The following SMG5 variants were observed in gnomAD, a reference collection of about 807,000 sequenced individuals.
SMG5 encodes SMG5 nonsense mediated mRNA decay factor.
SMG5 carries 53 observed loss-of-function variants against 122.9 expected under a neutral mutation model. The observed-to-expected ratio is 0.43, with a 90% CI of 0.35 to 0.54. SMG5 has a LOEUF of 0.54. Ranked by LOEUF, SMG5 falls within the 20% of genes least tolerant of loss-of-function variation. SMG5 has a pLI of 0.01. For missense variants in SMG5, 1,153 were observed against 1,285.6 expected (o/e 0.90, Z 1.58); for synonymous variants, 477 against 490.2 (o/e 0.97, Z 0.35).
intron 12 of SMG5, among the ~76,000 whole-genome samples, chr1:156,265,125 A>G (rs1442890222): frequency 6.6e-6 from 1 of 150,506 alleles, no homozygotes; most frequent in African/African-American, 2.5e-5. Context: ...CAGAAGGCTG[A>G]GGTAAGAGAA....
intron 16 of SMG5, among the ~76,000 whole-genome samples, chr1:156,255,703 T>C (rs1252832965): frequency 2.0e-5 from 3 of 151,944 alleles, no homozygotes; most frequent in Middle Eastern, 3.2e-3. Flanking sequence ...CTCAGCAACA[T>C]AGCAAGATCA....
At chr1:156,265,684 G>A (rs992002879) in intron 12 of SMG5, 97 bp downstream of exon 12, 16 of 1,520,838 alleles carry the variant, frequency 1.1e-5, no homozygotes, top group South Asian at 9.1e-5. Flanking sequence ...GGGTAGAGAC[G>A]AGAGGTCATT....
At chr1:156,273,538 G>GAC in intron 5 of SMG5, 88 bp from the exon 6 acceptor site, 2 of 1,261,636 alleles carry the variant, frequency 1.6e-6, no homozygotes, top group Non-Finnish European at 2.3e-6. Flanking sequence ...TCTGAGAGTG[G>GAC]TAACAAGAGC....
At chr1:156,278,299 T>C (rs1662776996) in intron 2 of SMG5, among the ~76,000 whole-genome samples, 1 of 152,078 alleles carries the variant, frequency 6.6e-6, no homozygotes, top group African/African-American at 2.4e-5. Context: ...CTTCGCTCTC[T>C]TTTTCTCTGC....
In SMG5 at chr1:156,266,375, G is replaced by A; in HGVS notation, c.1261C>T (p.Pro421Ser). ...PAFQSDGTDE[P>S]ESKEPVEKEE... ...TTCTCCACAGGTTCCTTGGACTCTG[G>A]TTCATCTGCGGAAAGAGGAAGGTCA... The change falls in exon 12 of 22, where the codon CCA (proline) becomes TCA (serine). Residue 421 changes from proline to serine, a missense_variant. By Grantham distance (74) the Pro-to-Ser change is moderately conservative (BLOSUM62 -1). Around this residue, in one of 5 missense-constraint regions of SMG5, gnomAD observed 631 missense variants for 650.6 expected, o/e 0.97. Coordinates refer to ENST00000361813, the MANE Select transcript of SMG5 (RefSeq NM_015327.3). 6.2e-7 allele frequency: 1 copy of A among 1,610,480 alleles called. No homozygotes were observed. Among genetic ancestry groups the A allele is most frequent in the East Asian group, 2.2e-5 (1 of 44,802 alleles).
chr1:156,286,432 C>T, upstream of SMG5: 1 of 1,614,234 alleles, frequency 6.2e-7, no homozygotes, highest in Non-Finnish European at 8.5e-7. Flanking sequence ...AGGATACCCT[C>T]AAACTGCTCC....
intron 9 of SMG5, 32 bp from the exon 10 acceptor site, chr1:156,267,710 A>C: frequency 1.1e-5 from 17 of 1,481,580 alleles, no homozygotes; most frequent in Non-Finnish European, 1.6e-5. Context: ...AGGGGAGGTC[A>C]GTGGTGGGGG....
intron 12 of SMG5, among the ~76,000 whole-genome samples, chr1:156,264,017 C>CCA (rs1661990935): frequency 6.6e-6 from 1 of 152,070 alleles, no homozygotes. Flanking sequence ...CGCCTGTAAT[C>CCA]CCTGCACTTT....
In SMG5 at chr1:156,263,381, G is replaced by A; in HGVS notation, c.2031+14C>T. ...CCTGGGACCTGACAGGGGCAATGGA[G>A]TGGACTGACACACCTGCGCACACAC... On this transcript the variant is annotated intron_variant, in intron 13 of 21. Transcript: ENST00000361813. The A allele has an allele frequency of 6.2e-7, 1 of 1,604,556 alleles. No individual in the cohort carries two copies. Among genetic ancestry groups the A allele is most frequent in the Non-Finnish European group, 8.5e-7 (1 of 1,172,992 alleles).
chr1:156,288,115 T>C, the SMG5 span, among the ~76,000 whole-genome samples: 1 of 148,126 alleles, frequency 6.8e-6, no homozygotes, highest in African/African-American at 2.5e-5. Context: ...CTCGGGAGGC[T>C]GAGGCAGGAG....
chr1:156,258,798 A>C (rs1329845793), intron 16 of SMG5, among the ~76,000 whole-genome samples: 2 of 151,342 alleles, frequency 1.3e-5, no homozygotes, highest in African/African-American at 4.8e-5. Context: ...CATCTCATAA[A>C]AAAAAAAAAA....
intron 13 of SMG5, among the ~76,000 whole-genome samples, chr1:156,263,181 C>G (rs1030646427): frequency 6.6e-6 from 1 of 152,220 alleles, no homozygotes; most frequent in Non-Finnish European, 1.5e-5. Flanking sequence ...ATAAGCAGCT[C>G]GCTAATTGTT....
At chr1:156,286,361 T>C (rs1378327064), upstream of SMG5, 4 of 1,614,192 alleles carry the variant, frequency 2.5e-6, no homozygotes, top group South Asian at 4.4e-5. Flanking sequence ...TGTGGCCCAG[T>C]CGGTCCAGCT....
chr1:156,285,354 G>C, upstream of SMG5: 1 of 1,575,384 alleles, frequency 6.3e-7, no homozygotes, highest in Non-Finnish European at 8.6e-7. Flanking sequence ...GAATCCCCGG[G>C]AGCTGAGTCC....
At chr1:156,256,656 ACATTACCAACCCAG>A (rs1252028706) in intron 16 of SMG5, among the ~76,000 whole-genome samples, 3 of 152,076 alleles carry the variant, frequency 2.0e-5, no homozygotes, top group Admixed American at 6.6e-5. Flanking sequence ...TGAGGCTCTG[ACATTACCAACCCAG>A]CATTTCAAAC....
intron 18 of SMG5, 34 bp from the exon 19 acceptor site, chr1:156,252,538 A>C: frequency 1.2e-6 from 2 of 1,602,518 alleles, no homozygotes; most frequent in African/African-American, 1.3e-5. Flanking sequence ...CAAAACAGAT[A>C]AGCTCAGACT....
chr1:156,280,249 A>C (rs1345718878), intron 1 of SMG5, among the ~76,000 whole-genome samples: 1 of 152,224 alleles, frequency 6.6e-6, no homozygotes, highest in Non-Finnish European at 1.5e-5. Flanking sequence ...CTATAAGAAC[A>C]TGTGAATCAG....
chr1:156,291,224 A>C, the SMG5 span: 1 of 619,540 alleles, frequency 1.6e-6, no homozygotes, highest in Non-Finnish European at 2.9e-6. Context: ...CGCTGTGCCT[A>C]ATACATGTTA....
At chr1:156,252,334 G>C in intron 19 of SMG5, 80 bp downstream of exon 19, 2 of 1,355,438 alleles carry the variant, frequency 1.5e-6, no homozygotes, top group South Asian at 2.4e-5. Context: ...TACCCATAGG[G>C]AGCAAGGGGC....
Sources: allele counts gnomAD v4.1 joint callset (sites outside exome capture counted in the v4.1 genomes callset), GRCh38; gene constraint gnomAD v4.1.1; regional missense constraint gnomAD v4.1.1; transcripts MANE v1.5; gene names NCBI Gene and HGNC (gene_info 2026-07-23, HGNC 2026-07-21).